The following TTC39B variants were observed in gnomAD, a reference collection of about 807,000 sequenced individuals.
The protein encoded by TTC39B is tetratricopeptide repeat domain 39B.
In TTC39B, 92 loss-of-function variants were observed where a neutral mutation model predicts 96.6. The ratio of observed to expected loss-of-function variants is 0.95; its 90% CI spans 0.80 to 1.13. TTC39B has a LOEUF of 1.13. Ranked by LOEUF, TTC39B falls within the 50% of genes most tolerant of loss-of-function variation. The pLI, the probability that TTC39B is intolerant of heterozygous loss-of-function variation, is 0.00. For synonymous variants in TTC39B, 367 were observed against 299.4 expected (o/e 1.23, Z -2.33); for missense variants, 955 against 809.3 (o/e 1.18, Z -2.18).
At chr9:15,251,218 G>C (rs1210773271) in intron 2 of TTC39B, among the ~76,000 whole-genome samples, 1 of 151,738 alleles carries the variant, frequency 6.6e-6, no homozygotes, top group Admixed American at 6.6e-5. Flanking sequence ...AGTAATACCA[G>C]GTAAAATATT....
At chr9:15,270,552 A>G (rs962012455) in intron 1 of TTC39B, among the ~76,000 whole-genome samples, 1 of 151,964 alleles carries the variant, frequency 6.6e-6, no homozygotes, top group Admixed American at 6.6e-5. Context: ...CCCTCCGTGT[A>G]AAGAAGATAA....
intron 8 of TTC39B, among the ~76,000 whole-genome samples, chr9:15,197,356 C>T (rs1168719607): frequency 6.6e-6 from 1 of 151,782 alleles, no homozygotes; most frequent in East Asian, 1.9e-4. Flanking sequence ...ATCTATACAA[C>T]AGCATGTCAG....
At chr9:15,195,769 G>A (rs960294645) in intron 8 of TTC39B, among the ~76,000 whole-genome samples, 7 of 151,076 alleles carry the variant, frequency 4.6e-5, no homozygotes, top group South Asian at 2.1e-4. Flanking sequence ...GATCACTGAC[G>A]AAGGTGGCTG....
chr9:15,213,992 T>C (rs1247246388), intron 4 of TTC39B, 147 bp downstream of exon 4: 5 of 524,018 alleles, frequency 9.5e-6, no homozygotes, highest in Non-Finnish European at 1.6e-5. Context: ...AATTGAATTT[T>C]AAAAGTGACC....
chr9:15,191,819 T>A (rs1818873681), intron 9 of TTC39B, among the ~76,000 whole-genome samples: 1 of 152,184 alleles, frequency 6.6e-6, no homozygotes, highest in African/African-American at 2.4e-5. Flanking sequence ...ATGGTTTGGT[T>A]GGAAGGGCAG....
intron 1 of TTC39B, among the ~76,000 whole-genome samples, chr9:15,301,158 T>C (rs1033650985): frequency 1.3e-5 from 2 of 152,148 alleles, no homozygotes; most frequent in Admixed American, 6.5e-5. Context: ...ATCTCTCCTT[T>C]CAAGTCTTTG....
At chr9:15,280,738 G>C (rs1823731118) in intron 1 of TTC39B, among the ~76,000 whole-genome samples, 1 of 152,146 alleles carries the variant, frequency 6.6e-6, no homozygotes, top group Non-Finnish European at 1.5e-5. Context: ...AGGAGAGGCA[G>C]TGGGTATCCC....
chr9:15,178,708 C>T (rs937855872), intron 17 of TTC39B, among the ~76,000 whole-genome samples: 4 of 152,092 alleles, frequency 2.6e-5, no homozygotes, highest in Admixed American at 6.5e-5. Context: ...ATACAACAAC[C>T]GAAAATCTGA....
At chr9:15,247,518 G>A (rs1356175430) in intron 2 of TTC39B, among the ~76,000 whole-genome samples, 1 of 152,156 alleles carries the variant, frequency 6.6e-6, no homozygotes, top group African/African-American at 2.4e-5. Context: ...GCCCTATAGG[G>A]AATTGCTGAT....
chr9:15,253,714 T>C (rs1337342847), intron 2 of TTC39B, among the ~76,000 whole-genome samples: 1 of 142,350 alleles, frequency 7.0e-6, no homozygotes, highest in East Asian at 1.9e-4. Flanking sequence ...TAACCTTCTT[T>C]CATATATGTT....
At chr9:15,216,007 G>C (rs905391145) in intron 3 of TTC39B, among the ~76,000 whole-genome samples, 12 of 152,226 alleles carry the variant, frequency 7.9e-5, no homozygotes, top group African/African-American at 2.9e-4. Context: ...GACTCTTCTA[G>C]CACGAATAGG....
At chr9:15,184,417 A>AC (rs1157928906) in intron 16 of TTC39B, among the ~76,000 whole-genome samples, 1 of 96,496 alleles carries the variant, frequency 1.0e-5, no homozygotes, top group African/African-American at 3.9e-5. Flanking sequence ...TAAACTCTGA[A>AC]TTTAAAAAAA....
intron 3 of TTC39B, among the ~76,000 whole-genome samples, chr9:15,221,413 T>G (rs1048311591): frequency 1.3e-5 from 2 of 152,250 alleles, no homozygotes; most frequent in African/African-American, 2.4e-5. Flanking sequence ...TGTCCCGGAT[T>G]TGGCAATTGG....
chr9:15,265,894 T>A (rs993667435), intron 2 of TTC39B, among the ~76,000 whole-genome samples: 1 of 152,102 alleles, frequency 6.6e-6, no homozygotes, highest in African/African-American at 2.4e-5. Context: ...CTGACAGTAC[T>A]CCTCAAAACT....
chr9:15,187,587 G>A (rs564631670), intron 14 of TTC39B, among the ~76,000 whole-genome samples: 3 of 152,226 alleles, frequency 2.0e-5, no homozygotes, highest in Middle Eastern at 3.4e-3. Flanking sequence ...AGCCTCCCAC[G>A]TAGAAGGGAC....
At chr9:15,214,335 T>A in intron 3 of TTC39B, 86 bp from the exon 4 acceptor site, 1 of 814,846 alleles carries the variant, frequency 1.2e-6, no homozygotes, top group East Asian at 2.7e-5. Context: ...TGTGTGTGTG[T>A]GTGTGTGTGT....
In TTC39B at chr9:15,212,620, T is replaced by G. The variant is rs567135761; in HGVS notation, c.483-1223A>C. Among the ~76,000 whole-genome samples the G allele has an allele frequency of 5.3e-5, 8 of 152,024 alleles. No homozygotes were observed. The East Asian group carries it at 1.6e-3, about 30-fold the overall frequency. On this transcript the variant is annotated intron_variant, in intron 4 of 19. Transcript: ENST00000512701. ...TTTTGTATTTTTAGTAGAGACAGGG[T>G]TTCTCCCTGTTGGTCAGGCTGGTCT...
intron 17 of TTC39B, among the ~76,000 whole-genome samples, chr9:15,180,753 C>T (rs1575469): frequency 0.8 from 122,034 of 152,188 alleles, 49,281 homozygotes; most frequent in East Asian, 0.92. Context: ...ATTACTAAAC[C>T]GTCCTAACAG....
chr9:15,220,139 T>C (rs1820765238), intron 3 of TTC39B, among the ~76,000 whole-genome samples: 1 of 152,214 alleles, frequency 6.6e-6, no homozygotes, highest in Admixed American at 6.5e-5. Context: ...TCAGAGACTT[T>C]TACTAATTTG....
Sources: gnomAD v4.1 joint callset for allele counts (sites outside exome capture counted in the v4.1 genomes callset) on GRCh38, gnomAD v4.1.1 for gene constraint, MANE v1.5 for transcripts, NCBI Gene and HGNC (gene_info 2026-07-23, HGNC 2026-07-21) for gene names.